The following GRIN2A variants were observed in gnomAD, a reference collection of about 807,000 sequenced individuals.
GRIN2A encodes the protein glutamate receptor ionotropic, NMDA 2A.
Under a neutral mutation model 113.4 loss-of-function variants are expected in GRIN2A, and 22 were observed. That is an observed-to-expected ratio of 0.19 (90% confidence interval 0.14 to 0.28). GRIN2A has a LOEUF of 0.28. Among genes scored for constraint, GRIN2A ranks in the 10% least tolerant of loss-of-function variants. The pLI is 1.00. For missense variants in GRIN2A, 1,502 were observed against 1,887.0 expected (o/e 0.80, Z 3.78); for synonymous variants, 827 against 738.4 (o/e 1.12, Z -1.94).
At chr16:9,830,475 A>T (rs1041417656) in intron 8 of GRIN2A, among the ~76,000 whole-genome samples, 3 of 142,658 alleles carry the variant, frequency 2.1e-5, no homozygotes, top group African/African-American at 2.7e-5. Flanking sequence ...TTTGTTCTGC[A>T]TGGGCAAAAA....
chr16:10,164,132 T>C (rs1441294852), intron 2 of GRIN2A, among the ~76,000 whole-genome samples: 1 of 152,210 alleles, frequency 6.6e-6, no homozygotes, highest in African/African-American at 2.4e-5. Context: ...GCATGATGGC[T>C]CTCTCCGGGG....
intron 4 of GRIN2A, among the ~76,000 whole-genome samples, chr16:9,860,522 C>G (rs992333165): frequency 1.3e-5 from 2 of 150,424 alleles, no homozygotes; most frequent in Non-Finnish European, 2.9e-5. Flanking sequence ...TATCTTTATC[C>G]TATGGGCAAG....
intron 2 of GRIN2A, chr16:10,121,626 C>T (rs2352759): frequency 0.48 from 72,345 of 151,934 alleles, 17,440 homozygotes; most frequent in Admixed American, 0.54. Flanking sequence ...AAAGCAAAGG[C>T]ACCGACTGGG....
chr16:9,823,879 T>C (rs140794735), intron 9 of GRIN2A, among the ~76,000 whole-genome samples: 49 of 152,194 alleles, frequency 3.2e-4, no homozygotes, highest in African/African-American at 1.2e-3. Context: ...GACATAAAGA[T>C]TTAAAGACCC....
At chr16:9,810,458 CTT>C (rs2042065080) in intron 10 of GRIN2A, among the ~76,000 whole-genome samples, 1 of 152,192 alleles carries the variant, frequency 6.6e-6, no homozygotes, top group South Asian at 2.1e-4. Flanking sequence ...AAAATCATGT[CTT>C]TGCAGATATA....
At chr16:10,028,600 C>G (rs1868285) in intron 2 of GRIN2A, among the ~76,000 whole-genome samples, 139,235 of 152,194 alleles carry the variant, frequency 0.91, 64,220 homozygotes, top group Non-Finnish European at 0.97. Flanking sequence ...TGGAGACTGA[C>G]TTCTTAAATC....
intron 3 of GRIN2A, among the ~76,000 whole-genome samples, chr16:9,936,141 T>C (rs778276019): frequency 6.6e-6 from 1 of 152,156 alleles, no homozygotes; most frequent in Non-Finnish European, 1.5e-5. Flanking sequence ...AGAACATTGG[T>C]CCTCAAAGCA....
chr16:10,067,433 T>A (rs920879317), intron 2 of GRIN2A, among the ~76,000 whole-genome samples: 2 of 152,198 alleles, frequency 1.3e-5, no homozygotes, highest in African/African-American at 4.8e-5. Flanking sequence ...ATAAAAAATA[T>A]ATTGCACATT....
intron 2 of GRIN2A, among the ~76,000 whole-genome samples, chr16:9,943,769 C>G (rs1371670091): frequency 6.6e-6 from 1 of 152,168 alleles, no homozygotes; most frequent in Non-Finnish European, 1.5e-5. Flanking sequence ...CAGTGGCTCT[C>G]ATTCCTGGCT....
chr16:9,994,774 C>T (rs1390289296), intron 2 of GRIN2A, among the ~76,000 whole-genome samples: 2 of 152,218 alleles, frequency 1.3e-5, no homozygotes, highest in African/African-American at 4.8e-5. Context: ...CTTGGCTCAC[C>T]ATCTCCATTG....
At chr16:9,793,648 G>A (rs890934333) in intron 11 of GRIN2A, among the ~76,000 whole-genome samples, 2 of 151,988 alleles carry the variant, frequency 1.3e-5, no homozygotes, top group Admixed American at 6.6e-5. Context: ...CTTGCCACAC[G>A]TGTTTTCTTT....
intron 3 of GRIN2A, among the ~76,000 whole-genome samples, chr16:9,904,726 C>T (rs1002143444): frequency 6.6e-6 from 1 of 152,194 alleles, no homozygotes; most frequent in Non-Finnish European, 1.5e-5. Flanking sequence ...ACCCTCATGA[C>T]ATCATCTAAC....
At chr16:9,916,649 G>C (rs1242135038) in intron 3 of GRIN2A, among the ~76,000 whole-genome samples, 2 of 152,146 alleles carry the variant, frequency 1.3e-5, no homozygotes, top group African/African-American at 4.8e-5. Context: ...TTCACTAGGA[G>C]TCAACGGTCC....
At chr16:10,005,717 G>T (rs576694546) in intron 2 of GRIN2A, among the ~76,000 whole-genome samples, 1 of 152,224 alleles carries the variant, frequency 6.6e-6, no homozygotes, top group South Asian at 2.1e-4. Flanking sequence ...AGCACCATGT[G>T]GGCTGAATAA....
chr16:10,014,061 G>A (rs1012752976), intron 2 of GRIN2A, among the ~76,000 whole-genome samples: 3 of 152,188 alleles, frequency 2.0e-5, no homozygotes, highest in Admixed American at 1.3e-4. Flanking sequence ...CTGTGTCCCC[G>A]TCTAGATTGA....
At chr16:10,043,566 G>T (rs1017685346) in intron 2 of GRIN2A, among the ~76,000 whole-genome samples, 1 of 152,084 alleles carries the variant, frequency 6.6e-6, no homozygotes, top group Non-Finnish European at 1.5e-5. Flanking sequence ...ATCCTACAAA[G>T]ATGCCACCAA....
chr16:9,818,861 A>T (rs964091334), intron 10 of GRIN2A, among the ~76,000 whole-genome samples: 9 of 152,182 alleles, frequency 5.9e-5, no homozygotes, highest in African/African-American at 2.2e-4. Flanking sequence ...TGCAACTGTG[A>T]CCCACTCTTT....
At chr16:9,929,336 T>C (rs1337791608) in intron 3 of GRIN2A, among the ~76,000 whole-genome samples, 1 of 152,252 alleles carries the variant, frequency 6.6e-6, no homozygotes. Context: ...TGTCCCTGAC[T>C]CTCTGTTCCC....
At chr16:10,092,896 T>A (rs372603099) in intron 2 of GRIN2A, among the ~76,000 whole-genome samples, 1 of 148,200 alleles carries the variant, frequency 6.7e-6, no homozygotes, top group African/African-American at 2.5e-5. Flanking sequence ...TGGAGTGCAA[T>A]GCCACAATCT....
Sources: allele counts gnomAD v4.1 joint callset (sites outside exome capture counted in the v4.1 genomes callset), GRCh38; gene constraint gnomAD v4.1.1; transcripts MANE v1.5; gene names NCBI Gene and HGNC (gene_info 2026-07-23, HGNC 2026-07-21).